SBF2: variants seen among roughly 807,000 people sequenced by gnomAD.
SBF2 encodes myotubularin-related protein 13.
SBF2 carries 112 observed loss-of-function variants against 225.2 expected under a neutral mutation model. The observed-to-expected ratio is 0.50, with a 90% CI of 0.43 to 0.58. SBF2 has a LOEUF of 0.58. Ranked by LOEUF, SBF2 falls within the 20% of genes least tolerant of loss-of-function variation. The probability of loss-of-function intolerance (pLI) is 0.00; values close to 1 mark genes in which losing one functional copy is unlikely to be tolerated. For synonymous variants in SBF2, 763 were observed against 773.3 expected (o/e 0.99, Z 0.22); for missense variants, 1,996 against 2,206.2 (o/e 0.90, Z 1.91).
At chr11:9,999,266 C>T (rs989110571) in intron 8 of SBF2, among the ~76,000 whole-genome samples, 1 of 151,726 alleles carries the variant, frequency 6.6e-6, no homozygotes, top group Non-Finnish European at 1.5e-5. Context: ...TTGGTTGGTC[C>T]TACCTCCAGT....
rs577151358 is a variant in SBF2, at chr11:10,204,771, C to G, written c.56-10784G>C. ...GCAAAAGGCTACATATTGTATGAGTCCATTTATATGAAATGCCCAGAAAAG... is the reference window on the plus strand; with the variant it reads ...GCAAAAGGCTACATATTGTATGAGTGCATTTATATGAAATGCCCAGAAAAG... On this transcript the variant is annotated intron_variant, in intron 1 of 39. Coordinates refer to ENST00000256190, the MANE Select transcript of SBF2 (RefSeq NM_030962.4). Among the ~76,000 whole-genome samples, 4 of 152,024 alleles carry G rather than the reference C, an allele frequency of 2.6e-5. No individual in the cohort carries two copies. In the East Asian group the frequency reaches 7.7e-4, roughly 29 times the overall value.
chr11:10,271,641 C>T (rs1363089317), intron 1 of SBF2, among the ~76,000 whole-genome samples: 2 of 134,774 alleles, frequency 1.5e-5, no homozygotes, highest in African/African-American at 5.1e-5. Flanking sequence ...CCAGGAACAA[C>T]AGTTTATAAG....
intron 1 of SBF2, among the ~76,000 whole-genome samples, chr11:10,203,479 T>C (rs1317680490): frequency 6.6e-6 from 1 of 152,170 alleles, no homozygotes; most frequent in Non-Finnish European, 1.5e-5. Context: ...TATTTCCAAG[T>C]GACTTAATTA....
intron 1 of SBF2, among the ~76,000 whole-genome samples, chr11:10,275,820 G>A (rs1413834657): frequency 3.3e-5 from 5 of 152,036 alleles, no homozygotes; most frequent in Non-Finnish European, 7.4e-5. Context: ...CTACCAGTGA[G>A]AGTCTACTAG....
intron 13 of SBF2, among the ~76,000 whole-genome samples, chr11:9,978,019 A>T (rs373508516): frequency 6.6e-6 from 1 of 152,230 alleles, no homozygotes; most frequent in Admixed American, 6.5e-5. Context: ...ACCAGGTCTC[A>T]ATTCCAACCC....
chr11:9,994,483 AAAAAG>A (rs1318674653), intron 9 of SBF2, among the ~76,000 whole-genome samples: 12 of 150,904 alleles, frequency 8.0e-5, no homozygotes, highest in Admixed American at 4.0e-4. Flanking sequence ...TCAAAAAAAA[AAAAAG>A]AAAAGAAAAC....
At chr11:9,799,222 A>C (rs978947051) in intron 32 of SBF2, among the ~76,000 whole-genome samples, 10 of 152,172 alleles carry the variant, frequency 6.6e-5, no homozygotes, top group African/African-American at 1.9e-4. Context: ...CGTCTTTACA[A>C]GTCAAAAAAT....
At chr11:9,937,356 C>T (rs1410729199) in intron 16 of SBF2, among the ~76,000 whole-genome samples, 2 of 151,952 alleles carry the variant, frequency 1.3e-5, no homozygotes, top group East Asian at 1.9e-4. Context: ...TCAATTTCAT[C>T]TATTAAATCA....
intron 2 of SBF2, among the ~76,000 whole-genome samples, chr11:10,140,066 T>A (rs1047668032): frequency 3.9e-5 from 6 of 152,234 alleles, no homozygotes; most frequent in Non-Finnish European, 1.5e-5. Context: ...ATACATTTGG[T>A]CTTTGCCACC....
intron 16 of SBF2, among the ~76,000 whole-genome samples, chr11:9,946,888 T>C (rs963968421): frequency 6.6e-6 from 1 of 152,272 alleles, no homozygotes; most frequent in African/African-American, 2.4e-5. Context: ...GAGTCTTTTC[T>C]ATACACTTAG....
At chr11:10,019,692 T>A (rs1181865816) in intron 6 of SBF2, among the ~76,000 whole-genome samples, 1 of 151,728 alleles carries the variant, frequency 6.6e-6, no homozygotes, top group Non-Finnish European at 1.5e-5. Flanking sequence ...TTTCCCCTTA[T>A]AAGTGAGAAT....
rs1857338453 is a variant in SBF2 at position 9,856,684 on chromosome 11, C to T, written c.2137G>A (p.Ala713Thr). The change falls in exon 19 of 40, where the codon GCA becomes ACA. Residue 713 changes from alanine to threonine, a missense_variant. By Grantham distance (58) the Ala-to-Thr change is moderately conservative. Transcript: ENST00000256190. The stretch of plus-strand genomic sequence containing the variant: ...AGTTGCTCAGCTGCCAGGTCCATTG[C>T]TGTCTTCTCCTGATAATGGTCATCA... ...LPDDHYQEKT[A>T]MDLAAEQLRL... 6.2e-7 allele frequency: 1 copy of T among 1,614,092 alleles called. No individual in the cohort carries two copies. Among genetic ancestry groups the T allele is most frequent in the Non-Finnish European group, 8.5e-7 (1 of 1,180,002 alleles).
intron 34 of SBF2, among the ~76,000 whole-genome samples, 193 bp downstream of exon 34, chr11:9,790,363 G>T (rs916795836): frequency 1.2e-4 from 18 of 152,044 alleles, no homozygotes; most frequent in Non-Finnish European, 2.6e-4. Flanking sequence ...AATTTTTGTG[G>T]CAAGAATTTA....
intron 4 of SBF2, 123 bp downstream of exon 4, chr11:10,030,925 A>G: frequency 1.2e-6 from 1 of 837,004 alleles, no homozygotes; most frequent in Non-Finnish European, 1.9e-6. Flanking sequence ...TGCTAACTGT[A>G]TTTCATAGAT....
intron 6 of SBF2, among the ~76,000 whole-genome samples, chr11:10,009,610 T>C (rs1948354694): frequency 6.6e-6 from 1 of 152,220 alleles, no homozygotes; most frequent in Non-Finnish European, 1.5e-5. Context: ...TATAGCTGCA[T>C]AGTATTCCAT....
intron 16 of SBF2, among the ~76,000 whole-genome samples, chr11:9,956,346 A>G (rs1267814049): frequency 1.3e-5 from 2 of 152,164 alleles, no homozygotes; most frequent in Non-Finnish European, 2.9e-5. Context: ...CTTATTTCTC[A>G]TATCTTATTA....
intron 2 of SBF2, among the ~76,000 whole-genome samples, chr11:10,138,881 T>C (rs1954511955): frequency 6.6e-6 from 1 of 152,188 alleles, no homozygotes; most frequent in Admixed American, 6.5e-5. Flanking sequence ...CCATGAACAT[T>C]TGAAAACACT....
At chr11:10,274,974 C>T (rs1204013403) in intron 1 of SBF2, among the ~76,000 whole-genome samples, 1 of 152,014 alleles carries the variant, frequency 6.6e-6, no homozygotes, top group South Asian at 2.1e-4. Context: ...GAAGCATGCA[C>T]CAGAAATATG....
At chr11:10,125,677 TATA>T (rs2135072193) in intron 2 of SBF2, among the ~76,000 whole-genome samples, 1 of 152,332 alleles carries the variant, frequency 6.6e-6, no homozygotes, top group Non-Finnish European at 1.5e-5. Flanking sequence ...TTAGCATTAG[TATA>T]ATACTATCAA....
Sources: gnomAD v4.1 joint callset for allele counts (sites outside exome capture counted in the v4.1 genomes callset) on GRCh38, gnomAD v4.1.1 for gene constraint, MANE v1.5 for transcripts, NCBI Gene and HGNC (gene_info 2026-07-23, HGNC 2026-07-21) for gene names.